The following EPB41L5 variants were observed in gnomAD, a reference collection of about 807,000 sequenced individuals.
EPB41L5 encodes erythrocyte membrane protein band 4.1 like 5.
In EPB41L5, 55 loss-of-function variants were observed where a neutral mutation model predicts 106.6. The ratio of observed to expected loss-of-function variants is 0.52; its 90% CI spans 0.42 to 0.65. EPB41L5 has a LOEUF of 0.65. Among genes scored for constraint, EPB41L5 ranks in the 30% least tolerant of loss-of-function variants. EPB41L5 has a pLI of 0.00. For synonymous variants in EPB41L5, 297 were observed against 306.7 expected (o/e 0.97, Z 0.33); for missense variants, 871 against 882.1 (o/e 0.99, Z 0.16).
chr2:120,026,785 A>G (rs912041644), intron 2 of EPB41L5, among the ~76,000 whole-genome samples: 3 of 152,350 alleles, frequency 2.0e-5, no homozygotes, highest in Middle Eastern at 6.8e-3. Context: ...AGACCATCAA[A>G]TAAGTTACAA....
chr2:120,169,509 G>C (rs767413705), intron 24 of EPB41L5, among the ~76,000 whole-genome samples: 14 of 152,098 alleles, frequency 9.2e-5, no homozygotes, highest in Non-Finnish European at 1.9e-4. Context: ...AAGAAATTTT[G>C]TTCATCAAAA....
chr2:120,026,341 G>A (rs573615149), intron 2 of EPB41L5, among the ~76,000 whole-genome samples: 22 of 150,658 alleles, frequency 1.5e-4, no homozygotes, highest in African/African-American at 5.4e-4. Context: ...CTTAGATTTG[G>A]CACCACTTTC....
chr2:120,168,302 CTATT>C (rs1687508457), intron 24 of EPB41L5, among the ~76,000 whole-genome samples: 1 of 152,110 alleles, frequency 6.6e-6, no homozygotes, highest in Non-Finnish European at 1.5e-5. Context: ...TTACGCTTTA[CTATT>C]TATTATGATT....
rs138667859 is a variant in EPB41L5, at chr2:120,040,058, TTGTC to T, written c.181-1944_181-1941del. Among the ~76,000 whole-genome samples the T allele has an allele frequency of 9.5e-4, 142 of 149,128 alleles. 1 individual carries two copies. Among genetic ancestry groups the T allele is most frequent in the East Asian group, 5.2e-3 (27 of 5,144 alleles). ...CATATTACTAAAGCTTTCTGAACTT[TTGTC>T]TGTGCTTTTTATATATATATATATA... On this transcript the variant is annotated intron_variant, in intron 2 of 24. Transcript: ENST00000263713.
intron 20 of EPB41L5, among the ~76,000 whole-genome samples, chr2:120,152,278 A>T (rs111692838): frequency 1.3e-5 from 2 of 152,186 alleles, no homozygotes; most frequent in Non-Finnish European, 2.9e-5. Flanking sequence ...ATGCTCATCA[A>T]TTGAGATTTT....
chr2:120,084,572 T>C (rs535292997), intron 10 of EPB41L5, among the ~76,000 whole-genome samples: 1 of 152,318 alleles, frequency 6.6e-6, no homozygotes, highest in South Asian at 2.1e-4. Context: ...TTCCTTCATT[T>C]CCACTTTGGT....
intron 16 of EPB41L5, among the ~76,000 whole-genome samples, chr2:120,110,594 T>C (rs1684678325): frequency 6.6e-6 from 1 of 151,898 alleles, no homozygotes; most frequent in African/African-American, 2.4e-5. Context: ...GTTTCAGGGA[T>C]AGTACAGAAA....
At chr2:120,174,706 G>A in intron 24 of EPB41L5, 135 bp from the exon 25 acceptor site, 1 of 724,004 alleles carries the variant, frequency 1.4e-6, no homozygotes, top group African/African-American at 1.7e-5. Context: ...TGCCAGGTTA[G>A]GTGTTACTAC....
At chr2:120,073,334 A>G (rs1682009301) in intron 4 of EPB41L5, 114 bp downstream of exon 4, 4 of 919,968 alleles carry the variant, frequency 4.3e-6, no homozygotes, top group East Asian at 2.5e-5. Flanking sequence ...TAGCATTTCC[A>G]TTTTCTAGAA....
chr2:120,109,864 C>T (rs561506071), intron 16 of EPB41L5, among the ~76,000 whole-genome samples: 97 of 152,236 alleles, frequency 6.4e-4, no homozygotes, highest in African/African-American at 2.2e-3. Context: ...AAACATTGTC[C>T]CTGACACAGA....
At chr2:120,055,141 G>A (rs1680560934) in intron 3 of EPB41L5, among the ~76,000 whole-genome samples, 1 of 152,054 alleles carries the variant, frequency 6.6e-6, no homozygotes, top group Non-Finnish European at 1.5e-5. Flanking sequence ...GGAATTATAG[G>A]CGTGAGCCAC....
At chr2:120,142,115 A>ATTT (rs1558902657) in intron 18 of EPB41L5, among the ~76,000 whole-genome samples, 2,601 of 19,754 alleles carry the variant, frequency 0.13, 77 homozygotes, top group African/African-American at 0.19. Flanking sequence ...TTCTTTTTTA[A>ATTT]AAAAAAAAAA....
chr2:120,105,058 A>G (rs1684369294), intron 16 of EPB41L5: 2 of 983,220 alleles, frequency 2.0e-6, no homozygotes, highest in East Asian at 1.1e-4. Context: ...CAGGTTTGCA[A>G]CAGTCTCATA....
chr2:120,172,811 A>AAGG (rs928821970), intron 24 of EPB41L5, among the ~76,000 whole-genome samples: 6 of 152,294 alleles, frequency 3.9e-5, no homozygotes, highest in African/African-American at 1.4e-4. Context: ...CAGATTCAAA[A>AAGG]AGGAGGATAT....
chr2:120,039,190 T>C (rs1001961106), intron 2 of EPB41L5, among the ~76,000 whole-genome samples: 2 of 152,166 alleles, frequency 1.3e-5, no homozygotes, highest in Non-Finnish European at 2.9e-5. Context: ...CAAATACTGT[T>C]ATGATTCTAC....
chr2:120,110,249 T>C (rs972612537), intron 16 of EPB41L5, among the ~76,000 whole-genome samples: 3 of 152,240 alleles, frequency 2.0e-5, no homozygotes, highest in Non-Finnish European at 2.9e-5. Context: ...TATTTTTTAT[T>C]GTCTTCTAAC....
intron 2 of EPB41L5, among the ~76,000 whole-genome samples, chr2:120,026,722 T>C (rs1406777052): frequency 6.6e-6 from 1 of 152,188 alleles, no homozygotes; most frequent in Non-Finnish European, 1.5e-5. Context: ...AAAGAAAAAG[T>C]AAATAAATTG....
rs192397220 is a variant in EPB41L5 at position 120,087,075 on chromosome 2, T to A, written c.804-96T>A. On this transcript the variant is annotated intron_variant, in intron 10 of 24. Transcript: ENST00000263713. ...GTCCTGTCAATTTTTAGTTCAGGAG[T>A]TAGATGGTTAAATGTATTTGAAATA... 7.8e-5 allele frequency: 54 copies of A among 689,342 alleles called. No homozygotes were observed. In the East Asian group the frequency reaches 1.5e-3, roughly 19 times the overall value. The allele number at this position is 689,342 out of a possible 1,614,324, so 42.7% of individuals were successfully genotyped here.
intron 20 of EPB41L5, among the ~76,000 whole-genome samples, chr2:120,146,697 G>C (rs907115593): frequency 5.9e-5 from 9 of 152,108 alleles, no homozygotes; most frequent in African/African-American, 2.2e-4. Context: ...CTCCCTCCAA[G>C]TCTCTTCTGC....
Sources: allele counts gnomAD v4.1 joint callset (sites outside exome capture counted in the v4.1 genomes callset), GRCh38; gene constraint gnomAD v4.1.1; transcripts MANE v1.5; gene names NCBI Gene and HGNC (gene_info 2026-07-23, HGNC 2026-07-21).